The following TM4SF1 variants were observed in gnomAD, a reference collection of about 807,000 sequenced individuals.
TM4SF1 encodes transmembrane 4 L6 family member 1.
In TM4SF1, 20 loss-of-function variants were observed where a neutral mutation model predicts 24.5. The observed-to-expected ratio is 0.82, with a 90% CI of 0.57 to 1.19. The LOEUF is 1.19. Among genes scored for constraint, TM4SF1 ranks in the 50% most tolerant of loss-of-function variants. The pLI is 0.00. For missense variants in TM4SF1, 258 were observed against 248.1 expected (o/e 1.04, Z -0.27); for synonymous variants, 107 against 95.4 (o/e 1.12, Z -0.71).
intron 3 of TM4SF1, among the ~76,000 whole-genome samples, chr3:149,373,827 A>G (rs573095611): frequency 1.4e-4 from 21 of 152,330 alleles, no homozygotes; most frequent in African/African-American, 5.0e-4. Flanking sequence ...TCAAATAGCT[A>G]TAAAAACCAT....
Position 149,377,641 on chromosome 3 carries a change from A to G in TM4SF1, c.-94T>C, listed in dbSNP as rs1731994310. On this transcript the variant is annotated 5_prime_UTR_variant, in exon 1 of 5. Coordinates refer to ENST00000305366, the MANE Select transcript of TM4SF1 (RefSeq NM_014220.3). ...GTGTGCCCTTCTGGTGGAGAAAGCA[A>G]ACACCACTCTCAGCCCATTCCTGCT... 2 of 1,520,988 alleles carry G rather than the reference A, an allele frequency of 1.3e-6. No homozygotes were observed. The highest frequency in any genetic ancestry group is 2.1e-5 in the Admixed American group (1 of 48,370). 94.2% of individuals were successfully genotyped at this position (1,520,988 alleles called of 1,614,324 possible).
In TM4SF1 at chr3:149,371,719, C is replaced by T. The variant is rs781536701; in HGVS notation, c.562G>A (p.Gly188Ser). ...LIQVINGVLG[G>S]ICGFCCSHQQ... ...TGAGAGCAGCAAAAGCCACATATGC[C>T]TCCAAGCACTCCATTTATTACTTGA... Residue 188 changes from glycine (G) to serine (S), a missense_variant, in exon 4 of 5, where the codon GGC becomes AGC. By Grantham distance (56) the Gly-to-Ser change is moderately conservative. Transcript: ENST00000305366. The T allele has an allele frequency of 1.2e-6, 2 of 1,614,158 alleles. No individual in the cohort carries two copies. The highest frequency in any genetic ancestry group is 1.7e-6 in the Non-Finnish European group (2 of 1,180,022).
chr3:149,371,760 A>C lies in TM4SF1; in HGVS notation c.521T>G (p.Phe174Cys), dbSNP rs776407359. The C allele has an allele frequency of 6.2e-7, 1 of 1,614,198 alleles. No individual in the cohort carries two copies. Among genetic ancestry groups the C allele is most frequent in the East Asian group, 2.2e-5 (1 of 44,886 alleles). ...SILLALGGIE[F>C]ILCLIQVING... ...TATTACTTGAATAAGACACAAGATG[A>C]ATTCAATTCCACCAAGAGCCAAGAG... Residue 174 changes from phenylalanine to cysteine, a missense_variant, in exon 4 of 5, where the codon TTC becomes TGC. Transcript: ENST00000305366.
intron 1 of TM4SF1, 60 bp downstream of exon 1, chr3:149,377,311 T>C: frequency 1.3e-6 from 2 of 1,536,878 alleles, no homozygotes; most frequent in Non-Finnish European, 8.7e-7. Context: ...TCCATGAAAA[T>C]ACATAATGAA....
rs576349551 is a variant in TM4SF1 at position 149,375,447 on chromosome 3, C to T, written c.409G>A (p.Gly137Ser). Residue 137 changes from glycine (G) to serine (S), a missense_variant, in exon 3 of 5, where the codon GGC becomes AGC. Gly to Ser is a moderately conservative substitution (Grantham distance 56). Transcript: ENST00000305366. ...ATGTAGAGAGTAATTACATACTGGC[C>T]CTCAGTGCTGGCAAAGGTGTAGTTC... The part of the protein sequence containing the change: ...QWNYTFASTE[G>S]QYLLDTSTWS... 1.2e-5 allele frequency: 19 copies of T among 1,614,020 alleles called. 1 individual carries two copies. In the South Asian group the frequency reaches 2.0e-4, roughly 17 times the overall value.
At chr3:149,370,005 CA>C in intron 4 of TM4SF1, 125 bp from the exon 5 acceptor site, 1 of 1,211,760 alleles carries the variant, frequency 8.3e-7, no homozygotes, top group Non-Finnish European at 1.1e-6. Flanking sequence ...AAGCTTAGGC[CA>C]ACCATACTTA....
chr3:149,373,724 T>G (rs1002626453), intron 3 of TM4SF1, among the ~76,000 whole-genome samples: 1 of 152,226 alleles, frequency 6.6e-6, no homozygotes, highest in African/African-American at 2.4e-5. Context: ...TTTCCCATAT[T>G]GAAATCCTTG....
At position 149,375,594 on chromosome 3, in the gene TM4SF1, G is replaced by A; in HGVS notation, c.268-6C>T. The A allele has an allele frequency of 1.2e-6, 2 of 1,614,164 alleles. No homozygotes were observed. The highest frequency in any genetic ancestry group is 1.7e-6 in the Non-Finnish European group (2 of 1,180,038). On this transcript the variant is annotated splice_polypyrimidine_tract_variant and splice_region_variant and intron_variant, in intron 2 of 4. Coordinates refer to ENST00000305366, the MANE Select transcript of TM4SF1 (RefSeq NM_014220.3). ...GCCAATACAGAAGAAAGCATCTAGG[G>A]AAAAGCAGACACACAGGAAGTGAGC...
intron 3 of TM4SF1, among the ~76,000 whole-genome samples, chr3:149,375,141 G>A (rs1731916681): frequency 6.6e-6 from 1 of 152,150 alleles, no homozygotes; most frequent in South Asian, 2.1e-4. Flanking sequence ...GGAGTTAGAG[G>A]CTGCAGTAAG....
chr3:149,371,352 A>C (rs993987932), intron 4 of TM4SF1: 1 of 511,022 alleles, frequency 2.0e-6, no homozygotes, highest in Non-Finnish European at 3.5e-6. Context: ...GGAATATAAC[A>C]GCAAACAAAG....
rs894376684 is a variant in TM4SF1, at chr3:149,369,172, C to T, written c.*694G>A. 5.9e-5 allele frequency: 9 copies of T among 152,134 alleles called. No homozygotes were observed. The highest frequency in any genetic ancestry group is 2.2e-4 in the African/African-American group (9 of 41,416). 9.4% of individuals were successfully genotyped at this position (152,134 alleles called of 1,614,324 possible). On this transcript the variant is annotated 3_prime_UTR_variant, in exon 5 of 5. Transcript: ENST00000305366. ...CTTTCTTCTTGCCCAGTCATCGTAG[C>T]CTTTCTTTTTTTAAACACATGATCC...
intron 3 of TM4SF1, among the ~76,000 whole-genome samples, chr3:149,374,621 A>C (rs1731905702): frequency 6.6e-6 from 1 of 152,186 alleles, no homozygotes; most frequent in South Asian, 2.1e-4. Flanking sequence ...AATTATCCTG[A>C]TATTATGATT....
In TM4SF1 at chr3:149,375,668, A is replaced by G; in HGVS notation, c.267+12T>C. 5 of 1,614,216 alleles carry G rather than the reference A, an allele frequency of 3.1e-6. No homozygotes were observed. Among genetic ancestry groups the G allele is most frequent in the Non-Finnish European group, 3.4e-6 (4 of 1,180,030 alleles). On this transcript the variant is annotated intron_variant, in intron 2 of 4. Transcript: ENST00000305366. Reference sequence around the variant, plus strand: ...TAGGAGTCATTTTCACCACCAGGGCAGGAGGACCTACCGCACATCGTTTGC... The same window carrying G: ...TAGGAGTCATTTTCACCACCAGGGCGGGAGGACCTACCGCACATCGTTTGC...
chr3:149,377,314 A>G (rs1049167912), intron 1 of TM4SF1, 57 bp downstream of exon 1: 3 of 1,541,220 alleles, frequency 1.9e-6, no homozygotes, highest in South Asian at 2.5e-5. Flanking sequence ...ATGAAAATAC[A>G]TAATGAAAAC....
At chr3:149,377,118 C>T (rs1463690955) in intron 1 of TM4SF1, among the ~76,000 whole-genome samples, 7 of 152,178 alleles carry the variant, frequency 4.6e-5, no homozygotes, top group South Asian at 2.1e-4. Flanking sequence ...ATATCTGTTT[C>T]CTACCTATAG....
Position 149,377,581 on chromosome 3 carries a change from G to C in TM4SF1, c.-34C>G. The C allele has an allele frequency of 6.3e-7, 1 of 1,594,346 alleles. No homozygotes were observed. The highest frequency in any genetic ancestry group is 8.6e-7 in the Non-Finnish European group (1 of 1,168,966). On this transcript the variant is annotated 5_prime_UTR_variant, in exon 1 of 5. Transcript: ENST00000305366. ...GCTAGGTTTTCTCCCCCTTCTCTTT[G>C]TCTTCAGCTCAGTGATACCCCAAAT...
intron 3 of TM4SF1, among the ~76,000 whole-genome samples, chr3:149,372,257 G>A (rs1731843026): frequency 1.3e-5 from 2 of 152,164 alleles, no homozygotes; most frequent in African/African-American, 4.8e-5. Flanking sequence ...AGCAAATGCG[G>A]AAAAATGAAA....
Position 149,369,790 on chromosome 3 carries a change from A to G in TM4SF1, c.*76T>C, listed in dbSNP as rs1170485160. Reference sequence around the variant, plus strand: ...GTATGTTACACTAATACAAAGTTTTACAAATGAATACAAGTGAAATATATA... The same window carrying G: ...GTATGTTACACTAATACAAAGTTTTGCAAATGAATACAAGTGAAATATATA... On this transcript the variant is annotated 3_prime_UTR_variant, in exon 5 of 5. Coordinates refer to ENST00000305366, the MANE Select transcript of TM4SF1 (RefSeq NM_014220.3). 1.3e-6 allele frequency: 2 copies of G among 1,592,734 alleles called. No homozygotes were observed. The highest frequency in any genetic ancestry group is 2.2e-5 in the East Asian group (1 of 44,518).
In TM4SF1 at chr3:149,377,462, T is replaced by G. The variant is rs777259793; in HGVS notation, c.86A>C (p.Tyr29Ser). Residue 29 changes from tyrosine to serine, a missense_variant, in exon 1 of 5, where the codon TAC (tyrosine) becomes TCC (serine). Physicochemically the swap from Tyr to Ser is moderately radical, Grantham distance 144. Coordinates refer to ENST00000305366, the MANE Select transcript of TM4SF1 (RefSeq NM_014220.3). ...LLCIAANILL[Y>S]FPNGETKYAS... ...ATACTTTGTTTCCCCATTGGGAAAG[T>G]AAAGCAAAATATTAGCCGCGATGCA... The G allele has an allele frequency of 6.2e-7, 1 of 1,614,114 alleles. No homozygotes were observed. Among genetic ancestry groups the G allele is most frequent in the Admixed American group, 1.7e-5 (1 of 60,016 alleles).
Sources: gnomAD v4.1 joint callset for allele counts (sites outside exome capture counted in the v4.1 genomes callset) on GRCh38, gnomAD v4.1.1 for gene constraint, MANE v1.5 for transcripts, NCBI Gene and HGNC (gene_info 2026-07-23, HGNC 2026-07-21) for gene names.